Variants in MAGI2 observed in about 807,000 individuals in gnomAD.
The protein encoded by MAGI2 is membrane-associated guanylate kinase, WW and PDZ domain-containing protein 2.
In MAGI2, 35 loss-of-function variants were observed where a neutral mutation model predicts 133.3. That is an observed-to-expected ratio of 0.26 (90% CI 0.20 to 0.35). The LOEUF (loss-of-function observed/expected upper bound fraction) is 0.35. Ranked by LOEUF, MAGI2 falls within the 10% of genes least tolerant of loss-of-function variation. The pLI is 1.00. For synonymous variants in MAGI2, 729 were observed against 710.6 expected, an observed-to-expected ratio of 1.03 and a Z score of -0.41; for missense variants, 1,636 against 1,863.4, an observed-to-expected ratio of 0.88 and a Z score of 2.25.
At chr7:78,093,135 C>CA (rs1224529271) in intron 20 of MAGI2, among the ~76,000 whole-genome samples, 6 of 52,630 alleles carry the variant, frequency 1.1e-4, no homozygotes, top group East Asian at 9.1e-4. Context: ...GACTCCTTCT[C>CA]CAAAAAAAAA....
intron 1 of MAGI2, among the ~76,000 whole-genome samples, chr7:79,294,334 T>C (rs924849536): frequency 6.6e-5 from 10 of 150,486 alleles, no homozygotes; most frequent in Non-Finnish European, 3.0e-5. Context: ...GTGCGAAAAA[T>C]AGAATTTATT....
At chr7:79,149,228 C>G (rs889369408) in intron 1 of MAGI2, among the ~76,000 whole-genome samples, 1 of 149,674 alleles carries the variant, frequency 6.7e-6, no homozygotes, top group African/African-American at 2.5e-5. Context: ...CGGTATACTT[C>G]TGGGCATCTT....
At chr7:79,194,081 T>C (rs1287143119) in intron 1 of MAGI2, among the ~76,000 whole-genome samples, 3 of 151,960 alleles carry the variant, frequency 2.0e-5, no homozygotes, top group Admixed American at 1.3e-4. Flanking sequence ...GGTTGGAAAA[T>C]TGAAAGAATC....
At chr7:79,100,791 T>A (rs886678618) in intron 1 of MAGI2, among the ~76,000 whole-genome samples, 1 of 151,978 alleles carries the variant, frequency 6.6e-6, no homozygotes, top group Non-Finnish European at 1.5e-5. Context: ...TTTTTCTAAC[T>A]TTTAGTGTCT....
chr7:79,191,492 T>C (rs1235486767), intron 1 of MAGI2, among the ~76,000 whole-genome samples: 2 of 141,138 alleles, frequency 1.4e-5, no homozygotes, highest in African/African-American at 5.2e-5. Context: ...AATCACAGCT[T>C]ATGAAGCCTG....
At chr7:79,424,527 TCAAAAAATGCA>T (rs1203427710) in intron 1 of MAGI2, among the ~76,000 whole-genome samples, 1 of 152,030 alleles carries the variant, frequency 6.6e-6, no homozygotes, top group African/African-American at 2.4e-5. Context: ...TATTATATGA[TCAAAAAATGCA>T]CAGACAGTGC....
intron 3 of MAGI2, chr7:78,568,351 C>A (rs1393833126): frequency 6.6e-6 from 1 of 152,226 alleles, no homozygotes; most frequent in African/African-American, 2.4e-5. Context: ...AGCTGCAGAT[C>A]CACACCTGAA....
At chr7:79,031,873 TAATC>T (rs1810611154) in intron 1 of MAGI2, among the ~76,000 whole-genome samples, 1 of 152,148 alleles carries the variant, frequency 6.6e-6, no homozygotes, top group African/African-American at 2.4e-5. Context: ...ATCATCCAAA[TAATC>T]ATCTTATACA....
At chr7:79,345,465 T>C (rs927497123) in intron 1 of MAGI2, among the ~76,000 whole-genome samples, 8 of 152,050 alleles carry the variant, frequency 5.3e-5, no homozygotes, top group Non-Finnish European at 8.8e-5. Flanking sequence ...AGCCACTCAA[T>C]TGTGGTACTT....
intron 1 of MAGI2, among the ~76,000 whole-genome samples, chr7:79,251,847 G>A (rs540517088): frequency 3.6e-4 from 55 of 152,114 alleles, no homozygotes; most frequent in Non-Finnish European, 6.0e-4. Flanking sequence ...ATGTCCATTA[G>A]TAGATGGATG....
rs372683289 is a variant in MAGI2 at position 79,171,233 on chromosome 7, C to T, written c.302-164027G>A. 2.6e-5 allele frequency among the ~76,000 whole-genome samples: 4 copies of T among 152,164 alleles called. No homozygotes were observed. The South Asian group carries it at 8.3e-4, about 32-fold the overall frequency. On this transcript the variant is annotated intron_variant, in intron 1 of 21. Coordinates refer to ENST00000354212, the MANE Select transcript of MAGI2 (RefSeq NM_012301.4). ...CAGTAGGGAAGGATTTGTTCCAAGA[C>T]CTTCTCTTAGCTTCTGGCGTTTCTT... is the stretch of plus-strand genomic sequence containing the variant.
chr7:78,631,711 C>T (rs553565043), intron 2 of MAGI2, among the ~76,000 whole-genome samples: 2 of 152,270 alleles, frequency 1.3e-5, no homozygotes, highest in East Asian at 1.9e-4. Context: ...TCTGTACTAC[C>T]CTCCTTTCTG....
intron 1 of MAGI2, among the ~76,000 whole-genome samples, chr7:79,435,009 A>G (rs1848041090): frequency 6.6e-6 from 1 of 152,202 alleles, no homozygotes; most frequent in African/African-American, 2.4e-5. Flanking sequence ...GAATTGAAGC[A>G]TCAGCTCTTC....
At chr7:78,124,156 T>C (rs1188329247) in intron 20 of MAGI2, among the ~76,000 whole-genome samples, 7 of 152,360 alleles carry the variant, frequency 4.6e-5, no homozygotes, top group Admixed American at 3.3e-4. Flanking sequence ...ATGGTCTTCC[T>C]ACTGTGTTTC....
At chr7:78,731,310 C>T (rs1821348420) in intron 2 of MAGI2, among the ~76,000 whole-genome samples, 1 of 152,120 alleles carries the variant, frequency 6.6e-6, no homozygotes, top group Admixed American at 6.5e-5. Flanking sequence ...CTATATCCTA[C>T]ACACCATCTG....
chr7:78,062,094 C>T (rs759016452), intron 21 of MAGI2, among the ~76,000 whole-genome samples: 4 of 152,176 alleles, frequency 2.6e-5, no homozygotes, highest in Admixed American at 2.0e-4. Flanking sequence ...ACAAGCACCC[C>T]GTTTTCCTTA....
At chr7:78,571,611 G>A (rs941462692) in intron 3 of MAGI2, among the ~76,000 whole-genome samples, 9 of 152,106 alleles carry the variant, frequency 5.9e-5, no homozygotes, top group African/African-American at 1.7e-4. Flanking sequence ...ACAACTCAGT[G>A]AGACAACTGA....
At chr7:78,323,635 TTG>T (rs1313870319) in intron 9 of MAGI2, among the ~76,000 whole-genome samples, 1 of 152,228 alleles carries the variant, frequency 6.6e-6, no homozygotes, top group African/African-American at 2.4e-5. Flanking sequence ...ATAGTTTTTT[TTG>T]TGTTTGTTTG....
At chr7:78,911,343 A>G (rs886159335) in intron 2 of MAGI2, among the ~76,000 whole-genome samples, 1 of 152,192 alleles carries the variant, frequency 6.6e-6, no homozygotes, top group Non-Finnish European at 1.5e-5. Flanking sequence ...TTGAAATTCT[A>G]ACCCCAAGGT....
Sources: allele counts gnomAD v4.1 joint callset (sites outside exome capture counted in the v4.1 genomes callset), GRCh38; gene constraint gnomAD v4.1.1; transcripts MANE v1.5; gene names NCBI Gene and HGNC (gene_info 2026-07-23, HGNC 2026-07-21).